The following SLC22A4 variants were observed in gnomAD, a reference collection of about 807,000 sequenced individuals.
SLC22A4 encodes the protein solute carrier family 22 member 4.
SLC22A4 carries 39 observed loss-of-function variants against 56.6 expected under a neutral mutation model. The observed-to-expected ratio is 0.69, with a 90% CI of 0.53 to 0.90. SLC22A4 has a LOEUF of 0.90. Ranked by LOEUF, SLC22A4 falls within the 40% of genes least tolerant of loss-of-function variation. The probability of loss-of-function intolerance (pLI) is 0.00; values close to 1 mark genes in which losing one functional copy is unlikely to be tolerated. For missense variants in SLC22A4, 594 were observed against 696.5 expected (o/e 0.85, Z 1.66); for synonymous variants, 241 against 281.4 (o/e 0.86, Z 1.44).
chr5:132,296,826 C>T (rs568216071), intron 1 of SLC22A4, among the ~76,000 whole-genome samples: 1 of 152,320 alleles, frequency 6.6e-6, no homozygotes, highest in South Asian at 2.1e-4. Context: ...TTCCATTGCT[C>T]GCTGGTTTTG....
At chr5:132,333,746 G>A (rs578153088) in intron 6 of SLC22A4, among the ~76,000 whole-genome samples, 97 of 152,220 alleles carry the variant, frequency 6.4e-4, no homozygotes, top group African/African-American at 1.8e-3. Flanking sequence ...CTATCTCTTA[G>A]AAAAATGGGG....
Position 132,294,467 on chromosome 5 carries a change from CG to C in SLC22A4, c.-148del. The C allele has an allele frequency of 9.3e-7, 1 of 1,072,398 alleles. No homozygotes were observed. The highest frequency in any genetic ancestry group is 1.4e-6 in the Non-Finnish European group (1 of 736,900). The allele number at this position is 1,072,398 out of a possible 1,614,324, so 66.4% of individuals were successfully genotyped here. On this transcript the variant is annotated 5_prime_UTR_variant, in exon 1 of 10. Coordinates refer to ENST00000200652, the MANE Select transcript of SLC22A4 (RefSeq NM_003059.3). This position sits in a 1 kb window ranked among gnomAD's most constrained non-coding sequence, Gnocchi z 5.6. ...ACGCCTTCAGCCTGTTTCCCAGGAACGGTCCCCGGCTTCGCGCCCCAATTTC... is the reference window on the plus strand; with the variant it reads ...ACGCCTTCAGCCTGTTTCCCAGGAACGTCCCCGGCTTCGCGCCCCAATTTC...
Position 132,343,967 on chromosome 5 carries a change from C to T in SLC22A4, c.*132C>T, listed in dbSNP as rs1751292366. ...ATGAACCTTGCTATCAAGAAATGCT[C>T]GTCATACAGTAAACTCTGGATGATT... On this transcript the variant is annotated 3_prime_UTR_variant, in exon 10 of 10. Coordinates refer to ENST00000200652, the MANE Select transcript of SLC22A4 (RefSeq NM_003059.3). The T allele has an allele frequency of 3.0e-5, 19 of 637,802 alleles. No individual in the cohort carries two copies. The South Asian group carries it at 3.4e-4, about 11-fold the overall frequency. The allele number at this position is 637,802 out of a possible 1,614,324, so 39.5% of individuals were successfully genotyped here.
In SLC22A4 at chr5:132,294,444, G is replaced by A; in HGVS notation, c.-173G>A. The stretch of plus-strand genomic sequence containing the variant: ...CGCGAGCTCCCGGGAACGCTCCAAC[G>A]CCTTCAGCCTGTTTCCCAGGAACGG... On this transcript the variant is annotated 5_prime_UTR_variant, in exon 1 of 10. Coordinates refer to ENST00000200652, the MANE Select transcript of SLC22A4 (RefSeq NM_003059.3). The surrounding 1 kb of genome is among the most constrained non-coding windows in gnomAD (Gnocchi z 5.6). 1 of 821,254 alleles carries A rather than the reference G, an allele frequency of 1.2e-6. No individual in the cohort carries two copies. Among genetic ancestry groups the A allele is most frequent in the Non-Finnish European group, 1.9e-6 (1 of 517,510 alleles). The allele number at this position is 821,254 out of a possible 1,614,324, so 50.9% of individuals were successfully genotyped here. A position where few individuals can be genotyped will look rare whatever the true frequency, so the allele number is the denominator to read the frequency against.
Position 132,322,179 on chromosome 5 carries a change from A to C in SLC22A4, c.653-5A>C. 2 of 1,612,216 alleles carry C rather than the reference A, an allele frequency of 1.2e-6. No homozygotes were observed. Among genetic ancestry groups the C allele is most frequent in the Non-Finnish European group, 1.7e-6 (2 of 1,178,932 alleles). On this transcript the variant is annotated splice_region_variant and splice_polypyrimidine_tract_variant and intron_variant, in intron 3 of 9. Coordinates refer to ENST00000200652, the MANE Select transcript of SLC22A4 (RefSeq NM_003059.3). The stretch of plus-strand genomic sequence containing the variant: ...ATGCTAATACTCCTCCCTTGTTTTG[A>C]ACAGGAACAGAAATTCTTGGCAAGT...
intron 3 of SLC22A4, among the ~76,000 whole-genome samples, chr5:132,315,887 A>G (rs1396785222): frequency 6.6e-6 from 1 of 152,150 alleles, no homozygotes; most frequent in Non-Finnish European, 1.5e-5. Context: ...CAGGTCTGAA[A>G]GTTTAAGTGT....
chr5:132,294,695 G>A lies in SLC22A4; in HGVS notation c.79G>A (p.Ala27Thr). 6.2e-7 allele frequency: 1 copy of A among 1,614,178 alleles called. No homozygotes were observed. The highest frequency in any genetic ancestry group is 8.5e-7 in the Non-Finnish European group (1 of 1,180,038). ...GCGCCTCATCTTCTTCCTGCTCAGC[G>A]CCAGCATCATCCCCAATGGCTTCAA... ...FQRLIFFLLSASIIPNGFNGM... is the reference protein window; with the variant it reads ...FQRLIFFLLSTSIIPNGFNGM... Residue 27 changes from alanine (A) to threonine (T), a missense_variant, in exon 1 of 10, where the codon GCC (alanine) becomes ACC (threonine). Physicochemically the swap from Ala to Thr is moderately conservative, Grantham distance 58. Coordinates refer to ENST00000200652, the MANE Select transcript of SLC22A4 (RefSeq NM_003059.3). This position sits in a 1 kb window ranked among gnomAD's most constrained non-coding sequence, Gnocchi z 5.6.
Position 132,313,587 on chromosome 5 carries a change from T to C in SLC22A4, c.498-27T>C, listed in dbSNP as rs534201911. 2.2e-5 allele frequency: 35 copies of C among 1,612,338 alleles called. No individual in the cohort carries two copies. In the South Asian group the frequency reaches 2.6e-4, roughly 12 times the overall value. ...ACACCTTGGCAACCTACACATCTCATGTTTTGTGTTATACTGCATTCTCTA... is the reference window on the plus strand; with the variant it reads ...ACACCTTGGCAACCTACACATCTCACGTTTTGTGTTATACTGCATTCTCTA... On this transcript the variant is annotated intron_variant, in intron 2 of 9. Transcript: ENST00000200652.
chr5:132,334,768 TAC>T lies in SLC22A4; in HGVS notation c.1099_1100del (p.His367TrpfsTer14), dbSNP rs1377742589. ...GCTCTGTCTCTGGATGCTCCTAATTTACATGGAGATGCCTACCTGAACTGTTT... is the reference window on the plus strand; with the variant it reads ...GCTCTGTCTCTGGATGCTCCTAATTTATGGAGATGCCTACCTGAACTGTTT... On this transcript the variant is annotated frameshift_variant, in exon 7 of 10. Transcript: ENST00000200652. LOFTEE classifies it high-confidence loss of function. 1 of 1,614,004 alleles carries T rather than the reference TAC, an allele frequency of 6.2e-7. No homozygotes were observed.
chr5:132,340,685 T>C lies in SLC22A4; in HGVS notation c.1565T>C (p.Met522Thr). Residue 522 changes from methionine to threonine, a missense_variant, in exon 9 of 10, where the codon ATG becomes ACG. Physicochemically the swap from Met to Thr is moderately conservative, Grantham distance 81. Transcript: ENST00000200652. ...ACTCTTCCAGAAACCTTAGAGCAGATGCAGAAAGTGAAATGGTAAGTAGGA... is the reference window on the plus strand; with the variant it reads ...ACTCTTCCAGAAACCTTAGAGCAGACGCAGAAAGTGAAATGGTAAGTAGGA... ...GMTLPETLEQ[M>T]QKVKWFRSGK... The C allele has an allele frequency of 6.2e-7, 1 of 1,614,156 alleles. No homozygotes were observed.
chr5:132,314,340 C>T (rs897880592), intron 3 of SLC22A4, among the ~76,000 whole-genome samples: 1 of 152,154 alleles, frequency 6.6e-6, no homozygotes, highest in Non-Finnish European at 1.5e-5. Context: ...TGTCAGGCTG[C>T]ATGAGGAAGA....
At position 132,294,958 on chromosome 5, in the gene SLC22A4, G is replaced by C. The variant is rs747891999; in HGVS notation, c.342G>C (p.Leu114=). 5.8e-5 allele frequency: 93 copies of C among 1,605,960 alleles called. 1 individual carries two copies. Among genetic ancestry groups the C allele is most frequent in the Admixed American group, 1.4e-4 (8 of 59,092 alleles). Reference sequence around the variant, plus strand: ...GGCAGCTGGAGCAGGAGAGCTGCCTGGATGGCTGGGAGTTCAGCCAGGACG... The same window carrying C: ...GGCAGCTGGAGCAGGAGAGCTGCCTCGATGGCTGGGAGTTCAGCCAGGACG... The part of the protein sequence containing the change: ...DLGQLEQESC[L]DGWEFSQDVY... Residue 114 remains leucine, a synonymous_variant, in exon 1 of 10, where the codon CTG becomes CTC. Coordinates refer to ENST00000200652, the MANE Select transcript of SLC22A4 (RefSeq NM_003059.3). This position sits in a 1 kb window ranked among gnomAD's most constrained non-coding sequence, Gnocchi z 5.6.
chr5:132,326,091 G>A (rs574225598), intron 4 of SLC22A4, among the ~76,000 whole-genome samples: 1 of 152,278 alleles, frequency 6.6e-6, no homozygotes, highest in South Asian at 2.1e-4. Context: ...TGCTCTGCAG[G>A]AGCAGTCACG....
intron 3 of SLC22A4, among the ~76,000 whole-genome samples, chr5:132,314,979 G>C (rs528176023): frequency 1.3e-5 from 2 of 152,270 alleles, no homozygotes; most frequent in African/African-American, 4.8e-5. Flanking sequence ...CTTCCTGCAG[G>C]GGGAAGGAGC....
rs1011839779 is a variant in SLC22A4, at chr5:132,295,054, C to T, written c.393+45C>T. ...CGTTGACCCGGGAGTGCCTGACCCT[C>T]CCTCTGCGTCAGCCCCCCTTGAGAC... is the stretch of plus-strand genomic sequence containing the variant. On this transcript the variant is annotated intron_variant, in intron 1 of 9. Coordinates refer to ENST00000200652, the MANE Select transcript of SLC22A4 (RefSeq NM_003059.3). The T allele has an allele frequency of 2.5e-6, 4 of 1,571,346 alleles. No individual in the cohort carries two copies. In the African/African-American group the frequency reaches 4.1e-5, roughly 16 times the overall value.
rs1193802219 is a variant in SLC22A4, at chr5:132,308,409, T to A, written c.394-3752T>A. ...TTTTTTTTTTTTTTTTTTTTTTTTT[T>A]ACCAATTCACTAGGAGAACTTGGGC... On this transcript the variant is annotated intron_variant, in intron 1 of 9. Transcript: ENST00000200652. Among the ~76,000 whole-genome samples the A allele has an allele frequency of 5.9e-5, 7 of 118,714 alleles. No individual in the cohort carries two copies. In the East Asian group the frequency reaches 7.1e-4, roughly 12 times the overall value. 77.9% of individuals were successfully genotyped at this position (118,714 alleles called of 152,430 possible).
In SLC22A4 at chr5:132,334,772, T is replaced by C; in HGVS notation, c.1101T>C (p.His367=). Residue 367 remains histidine (H), a synonymous_variant, in exon 7 of 10, where the codon CAT becomes CAC. Transcript: ENST00000200652. The part of the protein sequence containing the change: ...FALSLDAPNL[H]GDAYLNCFLS... ...TGTCTCTGGATGCTCCTAATTTACA[T>C]GGAGATGCCTACCTGAACTGTTTCC... is the stretch of plus-strand genomic sequence containing the variant. 6.2e-7 allele frequency: 1 copy of C among 1,613,522 alleles called. No homozygotes were observed. The highest frequency in any genetic ancestry group is 8.5e-7 in the Non-Finnish European group (1 of 1,179,418).
At chr5:132,340,876 G>A (rs892270623) in intron 9 of SLC22A4, among the ~76,000 whole-genome samples, 176 bp downstream of exon 9, 5 of 152,220 alleles carry the variant, frequency 3.3e-5, no homozygotes, top group African/African-American at 1.2e-4. Context: ...AGCACTTTGG[G>A]AGGCTGAGGC....
At chr5:132,335,791 A>G (rs1200441545) in intron 7 of SLC22A4, 27 bp from the exon 8 acceptor site, 6 of 1,594,272 alleles carry the variant, frequency 3.8e-6, no homozygotes, top group Admixed American at 3.3e-5. Flanking sequence ...TAAAAGCACC[A>G]TTGTTTATAC....
Sources: allele counts gnomAD v4.1 joint callset (sites outside exome capture counted in the v4.1 genomes callset), GRCh38; gene constraint gnomAD v4.1.1; non-coding constraint Gnocchi (gnomAD v3.1); transcripts MANE v1.5; gene names NCBI Gene and HGNC (gene_info 2026-07-23, HGNC 2026-07-21).